Variants in KIAA1328 observed in about 807,000 individuals in gnomAD.
The protein encoded by KIAA1328 is protein hinderin.
A neutral mutation model predicts 68.1 loss-of-function variants in KIAA1328; 52 were observed. The observed-to-expected ratio is 0.76, with a 90% CI of 0.61 to 0.96. KIAA1328 has a LOEUF of 0.96. KIAA1328 is among the 40% of genes least tolerant of loss of function. KIAA1328 has a pLI of 0.00. For synonymous variants in KIAA1328, 232 were observed against 239.4 expected (o/e 0.97, Z 0.28); for missense variants, 641 against 677.6 (o/e 0.95, Z 0.60).
chr18:37,144,160 A>T (rs1300106107), intron 7 of KIAA1328, among the ~76,000 whole-genome samples: 3 of 152,146 alleles, frequency 2.0e-5, no homozygotes, highest in African/African-American at 4.8e-5. Context: ...TATATTTTTT[A>T]AAAAATGTGT....
chr18:36,897,496 A>G (rs914593183), intron 5 of KIAA1328, among the ~76,000 whole-genome samples: 2 of 152,098 alleles, frequency 1.3e-5, no homozygotes, highest in African/African-American at 4.8e-5. Context: ...AGAAAAGAAG[A>G]TGAGAGAGAG....
At chr18:37,047,082 G>C (rs928258850) in intron 6 of KIAA1328, among the ~76,000 whole-genome samples, 8 of 152,186 alleles carry the variant, frequency 5.3e-5, no homozygotes, top group Non-Finnish European at 1.2e-4. Flanking sequence ...ACTCCAGCCT[G>C]GGTGACAGAA....
chr18:36,851,841 T>C (rs1343146669), intron 4 of KIAA1328, among the ~76,000 whole-genome samples: 4 of 152,008 alleles, frequency 2.6e-5, no homozygotes, highest in Admixed American at 2.0e-4. Flanking sequence ...CTTAGTTTGC[T>C]TTTGGTTTCT....
intron 9 of KIAA1328, among the ~76,000 whole-genome samples, chr18:37,182,048 T>A (rs2059708979): frequency 6.6e-6 from 1 of 152,164 alleles, no homozygotes; most frequent in South Asian, 2.1e-4. Flanking sequence ...TCCTTCCTTG[T>A]TGTGTCTTCT....
chr18:37,031,900 C>A (rs530445844), intron 6 of KIAA1328, among the ~76,000 whole-genome samples: 3 of 152,154 alleles, frequency 2.0e-5, no homozygotes, highest in South Asian at 4.1e-4. Context: ...GGTGTGGTGG[C>A]TCACACCTGT....
intron 5 of KIAA1328, among the ~76,000 whole-genome samples, chr18:36,928,701 T>G (rs181992290): frequency 6.6e-6 from 1 of 152,198 alleles, no homozygotes; most frequent in Non-Finnish European, 1.5e-5. Flanking sequence ...TGTGAGTGTG[T>G]GCGCACGCAT....
chr18:37,138,983 G>A (rs1216454582), intron 7 of KIAA1328, among the ~76,000 whole-genome samples: 3 of 110,236 alleles, frequency 2.7e-5, no homozygotes, highest in African/African-American at 3.7e-5. Context: ...TTGAGACGAA[G>A]TCTCGCTGTG....
intron 6 of KIAA1328, among the ~76,000 whole-genome samples, chr18:37,062,465 T>G (rs1382321005): frequency 1.3e-5 from 2 of 151,796 alleles, no homozygotes; most frequent in African/African-American, 4.8e-5. Context: ...TTTGTTTTTT[T>G]TTTTTGAGAC....
At chr18:37,012,448 A>C (rs1391943325) in intron 6 of KIAA1328, among the ~76,000 whole-genome samples, 2 of 152,208 alleles carry the variant, frequency 1.3e-5, no homozygotes, top group Admixed American at 6.5e-5. Context: ...CAGTGGTAAC[A>C]AAAAGGAAAC....
intron 7 of KIAA1328, among the ~76,000 whole-genome samples, chr18:37,135,790 T>C (rs778103517): frequency 6.6e-6 from 1 of 152,208 alleles, no homozygotes; most frequent in Non-Finnish European, 1.5e-5. Context: ...TCCTAGGTTT[T>C]CTTCTAAGAT....
chr18:37,142,456 A>G (rs1285080701), intron 7 of KIAA1328, among the ~76,000 whole-genome samples: 1 of 152,128 alleles, frequency 6.6e-6, no homozygotes, highest in African/African-American at 2.4e-5. Context: ...TCAGCCTCCC[A>G]AAGTGCTGGG....
rs939509731 is a variant in KIAA1328 at position 37,223,236 on chromosome 18, G to T, written c.*1009G>T. 3.0e-6 allele frequency: 3 copies of T among 985,178 alleles called. No individual in the cohort carries two copies. Among genetic ancestry groups the T allele is most frequent in the Non-Finnish European group, 3.6e-6 (3 of 829,942 alleles). The allele number at this position is 985,178 out of a possible 1,614,324, so 61.0% of individuals were successfully genotyped here. The stretch of plus-strand genomic sequence containing the variant: ...AGGCCTCACAGGTGCTCTGCTCGTG[G>T]CCCCAAAGAACCATCTCTACTTGCC... On this transcript the variant is annotated 3_prime_UTR_variant, in exon 10 of 10. Coordinates refer to ENST00000280020, the MANE Select transcript of KIAA1328 (RefSeq NM_020776.3).
intron 6 of KIAA1328, among the ~76,000 whole-genome samples, chr18:36,980,726 G>A (rs1049106540): frequency 9.2e-5 from 14 of 152,194 alleles, no homozygotes; most frequent in South Asian, 8.3e-4. Flanking sequence ...GGAGGTACCC[G>A]GTGGGAGATG....
intron 7 of KIAA1328, among the ~76,000 whole-genome samples, chr18:37,128,405 G>A (rs1012839764): frequency 8.5e-5 from 13 of 152,080 alleles, no homozygotes; most frequent in African/African-American, 3.1e-4. Context: ...CCTGGGAGGC[G>A]TAGGTTGCAA....
rs765275662 is a variant in KIAA1328, at chr18:37,222,150, C to T, written c.1657C>T (p.Arg553Trp). Reference protein sequence around the residue: ...TFRLSPLKSTRKKMGMHRTPE... With the variant: ...TFRLSPLKSTWKKMGMHRTPE... The stretch of plus-strand genomic sequence containing the variant: ...CCGACTCAGTCCTCTAAAATCAACC[C>T]GGAAGAAGATGGGGATGCACAGAAC... The change falls in exon 10 of 10, where the codon CGG (arginine) becomes TGG (tryptophan). Residue 553 changes from arginine (R) to tryptophan (W), a missense_variant. Physicochemically the swap from Arg to Trp is moderately radical, Grantham distance 101. Coordinates refer to ENST00000280020, the MANE Select transcript of KIAA1328 (RefSeq NM_020776.3). The T allele has an allele frequency of 1.9e-5, 31 of 1,609,056 alleles. No individual in the cohort carries two copies. The highest frequency in any genetic ancestry group is 2.4e-5 in the Non-Finnish European group (28 of 1,177,584).
intron 6 of KIAA1328, among the ~76,000 whole-genome samples, chr18:36,988,764 C>G (rs1049347905): frequency 6.6e-6 from 1 of 152,258 alleles, no homozygotes; most frequent in African/African-American, 2.4e-5. Context: ...ATTTTTACAA[C>G]TTACTGTTAC....
intron 5 of KIAA1328, among the ~76,000 whole-genome samples, chr18:36,940,335 C>T (rs2050661494): frequency 6.6e-6 from 1 of 152,142 alleles, no homozygotes; most frequent in African/African-American, 2.4e-5. Flanking sequence ...TTAGAAGTTC[C>T]CAGATGATAC....
chr18:36,874,054 A>G (rs187632570), intron 4 of KIAA1328, among the ~76,000 whole-genome samples: 5 of 152,296 alleles, frequency 3.3e-5, no homozygotes, highest in Admixed American at 3.3e-4. Flanking sequence ...TCCATTGTGT[A>G]TATGTGCCAT....
At chr18:36,941,142 A>G (rs962566239) in intron 5 of KIAA1328, among the ~76,000 whole-genome samples, 11 of 152,206 alleles carry the variant, frequency 7.2e-5, no homozygotes, top group Non-Finnish European at 1.3e-4. Context: ...ACCGTTTGGT[A>G]TGATTAATAG....
Sources: allele counts gnomAD v4.1 joint callset (sites outside exome capture counted in the v4.1 genomes callset), GRCh38; gene constraint gnomAD v4.1.1; transcripts MANE v1.5; gene names NCBI Gene and HGNC (gene_info 2026-07-23, HGNC 2026-07-21).